CARMIL1: variants seen among roughly 807,000 people sequenced by gnomAD.
The protein encoded by CARMIL1 is capping protein regulator and myosin 1 linker 1.
CARMIL1 carries 90 observed loss-of-function variants against 177.1 expected under a neutral mutation model. The observed-to-expected ratio is 0.51, with a 90% CI of 0.43 to 0.61. CARMIL1 has a LOEUF of 0.61. CARMIL1 is among the 20% of genes least tolerant of loss of function. CARMIL1 has a pLI of 0.00. For missense variants in CARMIL1, 1,380 were observed against 1,667.0 expected (o/e 0.83, Z 3.00); for synonymous variants, 577 against 606.2 (o/e 0.95, Z 0.71).
intron 35 of CARMIL1, among the ~76,000 whole-genome samples, chr6:25,607,984 T>G: frequency 6.6e-6 from 1 of 152,192 alleles, no homozygotes; most frequent in Non-Finnish European, 1.5e-5. Flanking sequence ...CCATACACAA[T>G]GTTTTCATGT....
intron 2 of CARMIL1, among the ~76,000 whole-genome samples, chr6:25,371,110 T>TGAGTA (rs1193647408): frequency 6.6e-6 from 1 of 152,248 alleles, no homozygotes; most frequent in African/African-American, 2.4e-5. Flanking sequence ...GTTTTATGTC[T>TGAGTA]GAGTAGTATT....
intron 29 of CARMIL1, among the ~76,000 whole-genome samples, chr6:25,569,443 AAC>A (rs1195484967): frequency 1.5e-4 from 23 of 152,178 alleles, no homozygotes; most frequent in Non-Finnish European, 2.8e-4. Context: ...AAAGTATAGG[AAC>A]CATGTCTTCT....
chr6:25,537,759 C>T, intron 24 of CARMIL1, 96 bp from the exon 25 acceptor site: 1 of 1,455,374 alleles, frequency 6.9e-7, no homozygotes, highest in Non-Finnish European at 9.3e-7. Flanking sequence ...CTGTGGTTTG[C>T]TGAAGTTTTT....
intron 2 of CARMIL1, among the ~76,000 whole-genome samples, chr6:25,385,816 G>A (rs1792105571): frequency 6.6e-6 from 1 of 152,174 alleles, no homozygotes; most frequent in African/African-American, 2.4e-5. Flanking sequence ...ATTCCAGTCT[G>A]TAGATTATTC....
chr6:25,501,648 C>G (rs1010801078), intron 17 of CARMIL1, among the ~76,000 whole-genome samples: 1 of 152,158 alleles, frequency 6.6e-6, no homozygotes, highest in Admixed American at 6.5e-5. Flanking sequence ...ATAGCATGCA[C>G]TTGGACACCA....
At chr6:25,396,148 G>C (rs546062188) in intron 2 of CARMIL1, among the ~76,000 whole-genome samples, 1 of 139,324 alleles carries the variant, frequency 7.2e-6, no homozygotes, top group South Asian at 2.5e-4. Flanking sequence ...TTTCTTTTCA[G>C]GAAAATTTAA....
chr6:25,589,551 G>A (rs376572015), intron 31 of CARMIL1, among the ~76,000 whole-genome samples: 69 of 152,102 alleles, frequency 4.5e-4, no homozygotes, highest in African/African-American at 1.6e-3. Context: ...GCAGTGGTGC[G>A]ATCTCAGTTC....
chr6:25,416,116 A>G (rs1172741873), intron 2 of CARMIL1, among the ~76,000 whole-genome samples: 1 of 152,200 alleles, frequency 6.6e-6, no homozygotes, highest in Non-Finnish European at 1.5e-5. Context: ...ATGGCGGTGC[A>G]TAGAAAGAGA....
intron 2 of CARMIL1, among the ~76,000 whole-genome samples, chr6:25,314,271 A>C (rs1177854785): frequency 3.8e-5 from 5 of 133,054 alleles, no homozygotes; most frequent in African/African-American, 5.6e-5. Context: ...TCAGGAGCCC[A>C]AGACCATCCT....
At chr6:25,281,756 A>G (rs1376208254) in intron 1 of CARMIL1, among the ~76,000 whole-genome samples, 2 of 152,104 alleles carry the variant, frequency 1.3e-5, no homozygotes, top group Non-Finnish European at 2.9e-5. Flanking sequence ...TCAATTCAAA[A>G]TGGCGACCGA....
At chr6:25,297,305 A>C (rs1315850892) in intron 2 of CARMIL1, among the ~76,000 whole-genome samples, 1 of 152,250 alleles carries the variant, frequency 6.6e-6, no homozygotes, top group Admixed American at 6.5e-5. Flanking sequence ...CCCTTCAAGC[A>C]TCTTGGATGT....
chr6:25,495,152 G>A lies in CARMIL1; in HGVS notation c.1262G>A (p.Ser421Asn). 1.2e-6 allele frequency: 2 copies of A among 1,613,154 alleles called. No individual in the cohort carries two copies. The highest frequency in any genetic ancestry group is 1.7e-6 in the Non-Finnish European group (2 of 1,179,506). Residue 421 changes from serine (S) to asparagine (N), a missense_variant, in exon 16 of 37, where the codon AGT becomes AAT. Ser to Asn is a conservative substitution (Grantham distance 46). Coordinates refer to ENST00000329474, the MANE Select transcript of CARMIL1 (RefSeq NM_017640.6). The stretch of plus-strand genomic sequence containing the variant: ...CCTCCATCTTTCAAGCAATTTTTTA[G>A]TAGTTCTCTGGCTTTGATGCACATC... ...EVPPSFKQFF[S>N]SSLALMHINL...
chr6:25,577,211 C>T lies in CARMIL1; in HGVS notation c.2743-3713C>T. 3 of 767,256 alleles carry T rather than the reference C, an allele frequency of 3.9e-6. No homozygotes were observed. Among genetic ancestry groups the T allele is most frequent in the Non-Finnish European group, 4.8e-6 (3 of 630,866 alleles). 47.5% of individuals were successfully genotyped at this position (767,256 alleles called of 1,614,324 possible). ...GGCGATGAATTTAAAATATCTCCAGCCATGTGCCTGAAAGCAAGCAGAGTG... is the reference window on the plus strand; with the variant it reads ...GGCGATGAATTTAAAATATCTCCAGTCATGTGCCTGAAAGCAAGCAGAGTG... On this transcript the variant is annotated intron_variant, in intron 29 of 36. Transcript: ENST00000329474. The surrounding 1 kb of genome is among the most constrained non-coding windows in gnomAD (Gnocchi z 4.5).
intron 11 of CARMIL1, among the ~76,000 whole-genome samples, chr6:25,473,203 C>A (rs1801235162): frequency 1.3e-5 from 2 of 152,124 alleles, no homozygotes; most frequent in Non-Finnish European, 2.9e-5. Context: ...GCATCAGGCC[C>A]ACCCGTGACA....
intron 2 of CARMIL1, among the ~76,000 whole-genome samples, chr6:25,361,491 C>T (rs377242927): frequency 6.6e-6 from 1 of 151,950 alleles, no homozygotes; most frequent in African/African-American, 2.4e-5. Context: ...ATGAAAATGG[C>T]TTATCTTTAA....
chr6:25,365,578 G>C (rs1434892548), intron 2 of CARMIL1, among the ~76,000 whole-genome samples: 1 of 151,996 alleles, frequency 6.6e-6, no homozygotes, highest in Admixed American at 6.5e-5. Flanking sequence ...TTTTAAACAG[G>C]GTCTGGGTCT....
At chr6:25,288,064 G>C (rs1027944737) in intron 2 of CARMIL1, among the ~76,000 whole-genome samples, 1 of 152,204 alleles carries the variant, frequency 6.6e-6, no homozygotes, top group South Asian at 2.1e-4. Flanking sequence ...ATGAATCGGG[G>C]CTTCAGGAGC....
chr6:25,579,123 TTATAA>T (rs901784430), intron 29 of CARMIL1, among the ~76,000 whole-genome samples: 95 of 149,944 alleles, frequency 6.3e-4, no homozygotes, highest in African/African-American at 2.1e-3. Context: ...ATGTTTAAAA[TTATAA>T]TATATTTGAA....
chr6:25,368,440 TACATCACTCTTAGAGC>T (rs1790063628), intron 2 of CARMIL1, among the ~76,000 whole-genome samples: 1 of 152,204 alleles, frequency 6.6e-6, no homozygotes, highest in Non-Finnish European at 1.5e-5. Context: ...ATTAGCCCAG[TACATCACTCTTAGAGC>T]ACATTGAACA....
Sources: allele counts gnomAD v4.1 joint callset (sites outside exome capture counted in the v4.1 genomes callset), GRCh38; gene constraint gnomAD v4.1.1; non-coding constraint Gnocchi (gnomAD v3.1); transcripts MANE v1.5; gene names NCBI Gene and HGNC (gene_info 2026-07-23, HGNC 2026-07-21).